PTPRD: variants seen among roughly 807,000 people sequenced by gnomAD.
PTPRD encodes the protein receptor-type tyrosine-protein phosphatase delta.
PTPRD carries 34 observed loss-of-function variants against 214.5 expected under a neutral mutation model. The observed-to-expected ratio is 0.16, with a 90% CI of 0.12 to 0.21. The LOEUF (loss-of-function observed/expected upper bound fraction) is 0.21, where lower values mean the gene tolerates loss of function less well. Ranked by LOEUF, PTPRD falls within the 10% of genes least tolerant of loss-of-function variation. The pLI is 1.00. For synonymous variants in PTPRD, 1,128 were observed against 845.7 expected (o/e 1.33, Z -5.79); for missense variants, 2,545 against 2,398.7 (o/e 1.06, Z -1.27).
intron 14 of PTPRD, among the ~76,000 whole-genome samples, chr9:8,614,113 C>A (rs184641251): frequency 6.6e-6 from 1 of 152,012 alleles, no homozygotes; most frequent in Non-Finnish European, 1.5e-5. Context: ...ATGATTAATA[C>A]ATTATTGGTA....
At position 8,789,719 on chromosome 9, in the gene PTPRD, A is replaced by G. The variant is rs554051394; in HGVS notation, c.-103-55773T>C. Among the ~76,000 whole-genome samples, 18 of 152,346 alleles carry G rather than the reference A, an allele frequency of 1.2e-4. No individual in the cohort carries two copies. The South Asian group carries it at 2.7e-3, about 23-fold the overall frequency. ...GTTACAATCAGAAACATCTTTAAAA[A>G]AAACCAGAATAGCAGAGAATTAGCA... On this transcript the variant is annotated intron_variant, in intron 11 of 45. Coordinates refer to ENST00000381196, the MANE Select transcript of PTPRD (RefSeq NM_002839.4).
intron 14 of PTPRD, among the ~76,000 whole-genome samples, chr9:8,553,761 T>C (rs991915545): frequency 6.6e-6 from 1 of 152,204 alleles, no homozygotes; most frequent in African/African-American, 2.4e-5. Flanking sequence ...TCAGAGAACC[T>C]ATATAACCCT....
chr9:10,248,840 T>TGTGCATAAGAAGG (rs2092488665), intron 3 of PTPRD, among the ~76,000 whole-genome samples: 1 of 151,542 alleles, frequency 6.6e-6, no homozygotes, highest in African/African-American at 2.4e-5. Flanking sequence ...ATATGACCCC[T>TGTGCATAAGAAGG]GTACATAAGC....
At chr9:10,135,613 C>A (rs2098937008) in intron 3 of PTPRD, among the ~76,000 whole-genome samples, 1 of 152,022 alleles carries the variant, frequency 6.6e-6, no homozygotes, top group Non-Finnish European at 1.5e-5. Context: ...CCAAGAATTT[C>A]ATGTTCAACC....
At chr9:8,732,603 C>T (rs1342218593) in intron 12 of PTPRD, among the ~76,000 whole-genome samples, 3 of 152,230 alleles carry the variant, frequency 2.0e-5, no homozygotes, top group Admixed American at 2.0e-4. Context: ...TAAGTTGACA[C>T]TCCCAAGTGC....
chr9:8,830,640 T>C (rs1601220465), intron 11 of PTPRD, among the ~76,000 whole-genome samples: 1 of 152,242 alleles, frequency 6.6e-6, no homozygotes, highest in African/African-American at 2.4e-5. Flanking sequence ...CACCCTATCA[T>C]GAGGGGGCAT....
chr9:9,298,420 G>A (rs1044004057), intron 9 of PTPRD, among the ~76,000 whole-genome samples: 45 of 151,616 alleles, frequency 3.0e-4, no homozygotes, highest in African/African-American at 9.2e-4. Flanking sequence ...AATTTCTCCT[G>A]TGAATTTTAA....
chr9:8,633,159 G>T (rs2096306823), intron 14 of PTPRD, among the ~76,000 whole-genome samples, 158 bp downstream of exon 14: 1 of 151,980 alleles, frequency 6.6e-6, no homozygotes, highest in Non-Finnish European at 1.5e-5. Context: ...CAAAACTAGA[G>T]AAGGTATCCA....
chr9:8,954,858 A>T (rs1005992130), intron 11 of PTPRD, among the ~76,000 whole-genome samples: 8 of 151,930 alleles, frequency 5.3e-5, no homozygotes, highest in Non-Finnish European at 1.0e-4. Context: ...AATATTGAAA[A>T]TAATCTGTGC....
intron 9 of PTPRD, among the ~76,000 whole-genome samples, chr9:9,276,823 G>A (rs1281398174): frequency 1.3e-5 from 2 of 151,314 alleles, no homozygotes; most frequent in East Asian, 3.9e-4. Context: ...CACTAACTAT[G>A]TGGGGAAAGT....
chr9:8,915,673 T>A (rs1410841780), intron 11 of PTPRD, among the ~76,000 whole-genome samples: 3 of 152,076 alleles, frequency 2.0e-5, no homozygotes, highest in Non-Finnish European at 4.4e-5. Context: ...GAGATGATGT[T>A]TCAACTCAAG....
chr9:10,490,185 T>C (rs1292829426), intron 2 of PTPRD, among the ~76,000 whole-genome samples: 1 of 152,194 alleles, frequency 6.6e-6, no homozygotes, highest in Non-Finnish European at 1.5e-5. Flanking sequence ...TATTTTTCTC[T>C]ATATCAACAT....
At chr9:8,669,644 A>G (rs933900278) in intron 12 of PTPRD, among the ~76,000 whole-genome samples, 5 of 152,198 alleles carry the variant, frequency 3.3e-5, no homozygotes, top group African/African-American at 1.2e-4. Flanking sequence ...TTTCAAAGAG[A>G]GACAAGGACC....
intron 12 of PTPRD, among the ~76,000 whole-genome samples, chr9:8,653,417 G>T (rs2096850994): frequency 6.6e-6 from 1 of 151,990 alleles, no homozygotes; most frequent in Non-Finnish European, 1.5e-5. Context: ...TTTTTAAAGG[G>T]TCAATATAAA....
intron 5 of PTPRD, among the ~76,000 whole-genome samples, chr9:9,918,658 C>T (rs2081653242): frequency 6.6e-6 from 1 of 152,008 alleles, no homozygotes. Context: ...AAATACACTA[C>T]AAAGCTGTAG....
chr9:9,263,603 A>T (rs2099981091), intron 9 of PTPRD, among the ~76,000 whole-genome samples: 1 of 151,732 alleles, frequency 6.6e-6, no homozygotes, highest in Admixed American at 6.6e-5. Flanking sequence ...ATTTTCCCTG[A>T]ATTAATTAAT....
In PTPRD at chr9:10,236,952, T is replaced by C. The variant is rs76359860; in HGVS notation, c.-545+104011A>G. On this transcript the variant is annotated intron_variant, in intron 3 of 45. Coordinates refer to ENST00000381196, the MANE Select transcript of PTPRD (RefSeq NM_002839.4). ...TGGGGGGGCTGAAAAGATGAATAGG[T>C]GACTCACAGATAATTTTTAGAGCAG... is the stretch of plus-strand genomic sequence containing the variant. Among the ~76,000 whole-genome samples, 26 of 151,972 alleles carry C rather than the reference T, an allele frequency of 1.7e-4. No individual in the cohort carries two copies. The East Asian group carries it at 4.9e-3, about 28-fold the overall frequency.
At chr9:8,427,931 T>C (rs1422367491) in intron 35 of PTPRD, among the ~76,000 whole-genome samples, 1 of 152,122 alleles carries the variant, frequency 6.6e-6, no homozygotes, top group South Asian at 2.1e-4. Context: ...ATAAAATAAG[T>C]AATAGTTACT....
At chr9:10,355,484 T>TC (rs2097259824) in intron 2 of PTPRD, among the ~76,000 whole-genome samples, 1 of 150,962 alleles carries the variant, frequency 6.6e-6, no homozygotes, top group African/African-American at 2.4e-5. Context: ...CTTTTCTTTT[T>TC]TTTTTTTTTT....
Sources: gnomAD v4.1 joint callset for allele counts (sites outside exome capture counted in the v4.1 genomes callset) on GRCh38, gnomAD v4.1.1 for gene constraint, MANE v1.5 for transcripts, NCBI Gene and HGNC (gene_info 2026-07-23, HGNC 2026-07-21) for gene names.